The following DOK5 variants were observed in gnomAD, a reference collection of about 807,000 sequenced individuals.
DOK5 encodes downstream of tyrosine kinase 5.
In DOK5, 27 loss-of-function variants were observed where a neutral mutation model predicts 43.3. The ratio of observed to expected loss-of-function variants is 0.62; its 90% CI spans 0.46 to 0.86. DOK5 has a LOEUF of 0.86. Among genes scored for constraint, DOK5 ranks in the 40% least tolerant of loss-of-function variants. DOK5 has a pLI of 0.00. For missense variants in DOK5, 373 were observed against 392.9 expected, an observed-to-expected ratio of 0.95 and a Z score of 0.43; for synonymous variants, 146 against 140.1, an observed-to-expected ratio of 1.04 and a Z score of -0.30.
chr20:54,610,463 T>C lies in DOK5; in HGVS notation c.675T>C (p.Ser225=). 1 of 1,592,380 alleles carries C rather than the reference T, an allele frequency of 6.3e-7. No individual in the cohort carries two copies. The highest frequency in any genetic ancestry group is 8.6e-7 in the Non-Finnish European group (1 of 1,169,520). Residue 225 remains serine, a synonymous_variant, in exon 6 of 8, where the codon TCT becomes TCC. Transcript: ENST00000262593. The part of the protein sequence containing the change: ...DGEAIYQKVH[S]AALAIAEQHE... ...AGGCCATCTATCAGAAAGTCCACTC[T>C]GCTGCCTTGGCCATAGCCGAGCAGC...
At chr20:54,560,005 C>T (rs1984845755) in intron 2 of DOK5, among the ~76,000 whole-genome samples, 1 of 152,182 alleles carries the variant, frequency 6.6e-6, no homozygotes, top group African/African-American at 2.4e-5. Flanking sequence ...TCATTTGTAT[C>T]TCCTAAGCTC....
intron 6 of DOK5, among the ~76,000 whole-genome samples, chr20:54,635,156 C>G (rs1157514017): frequency 2.6e-5 from 4 of 152,102 alleles, no homozygotes; most frequent in Non-Finnish European, 5.9e-5. Flanking sequence ...TCAAGACTGA[C>G]AAAACAGACT....
At chr20:54,529,539 CT>C (rs1335634332) in intron 1 of DOK5, among the ~76,000 whole-genome samples, 3 of 136,976 alleles carry the variant, frequency 2.2e-5, no homozygotes, top group East Asian at 2.0e-4. Context: ...ATAAGGGTGA[CT>C]TTAAAAAAAA....
At chr20:54,593,273 A>AG (rs1986037719) in intron 5 of DOK5, among the ~76,000 whole-genome samples, 4 of 151,522 alleles carry the variant, frequency 2.6e-5, no homozygotes. Flanking sequence ...AAAAAAAAAA[A>AG]TTACATTTTA....
In DOK5 at chr20:54,637,889, A is replaced by G. The variant is rs139174285; in HGVS notation, c.736-5569A>G. Among the ~76,000 whole-genome samples, 203 of 152,272 alleles carry G rather than the reference A, an allele frequency of 1.3e-3. No individual in the cohort carries two copies. The East Asian group carries it at 0.018, about 14-fold the overall frequency. On this transcript the variant is annotated intron_variant, in intron 6 of 7. Transcript: ENST00000262593. The stretch of plus-strand genomic sequence containing the variant: ...TGTAATCCCAGCACTTTGGGAGGCC[A>G]AGGCGGGCAGATCACAAGGTCAGGA...
chr20:54,482,457 C>T (rs527999015), intron 1 of DOK5, among the ~76,000 whole-genome samples: 1 of 152,172 alleles, frequency 6.6e-6, no homozygotes, highest in Non-Finnish European at 1.5e-5. Context: ...AAGTCATAAT[C>T]GTAGTATGAA....
At chr20:54,615,381 G>A (rs1452171154) in intron 6 of DOK5, among the ~76,000 whole-genome samples, 17 of 152,164 alleles carry the variant, frequency 1.1e-4, no homozygotes, top group South Asian at 2.1e-4. Flanking sequence ...ATCGAGTTAA[G>A]GATCCTGAGA....
intron 6 of DOK5, among the ~76,000 whole-genome samples, chr20:54,624,708 G>A (rs1375011390): frequency 1.3e-5 from 2 of 152,186 alleles, no homozygotes; most frequent in African/African-American, 4.8e-5. Context: ...GGCAAAGGGA[G>A]CAGTGAATTT....
At chr20:54,500,197 G>A (rs764359138) in intron 1 of DOK5, among the ~76,000 whole-genome samples, 1 of 152,140 alleles carries the variant, frequency 6.6e-6, no homozygotes, top group African/African-American at 2.4e-5. Flanking sequence ...TGCAGCAGGG[G>A]TTTGAGCACT....
At chr20:54,588,456 G>A in intron 2 of DOK5, 27 bp from the exon 3 acceptor site, 2 of 1,597,882 alleles carry the variant, frequency 1.3e-6, no homozygotes, top group South Asian at 2.2e-5. Context: ...CAGGGAGTGT[G>A]TCAAACTTCT....
intron 1 of DOK5, among the ~76,000 whole-genome samples, chr20:54,496,898 G>C (rs902341812): frequency 7.2e-5 from 11 of 152,052 alleles, no homozygotes; most frequent in African/African-American, 2.7e-4. Context: ...GAGATTTCAT[G>C]ATTTCTCTAA....
At chr20:54,631,036 A>G (rs186379780) in intron 6 of DOK5, among the ~76,000 whole-genome samples, 353 of 152,330 alleles carry the variant, frequency 2.3e-3, no homozygotes, top group Middle Eastern at 0.02. Context: ...CAAACAAAGT[A>G]TGATAGAGCC....
rs386394048 is a variant in DOK5 at position 54,646,248 on chromosome 20, G to GTTTTTTTTTTTTTTTTTTTTT, written c.856+2674_856+2694dup. Among the ~76,000 whole-genome samples, 65 of 79,928 alleles carry GTTTTTTTTTTTTTTTTTTTTT rather than the reference G, an allele frequency of 8.1e-4. 9 individuals are homozygous for GTTTTTTTTTTTTTTTTTTTTT. The highest frequency in any genetic ancestry group is 2.1e-3 in the African/African-American group (40 of 18,992). The allele number at this position is 79,928 out of a possible 152,430, so 52.4% of individuals were successfully genotyped here. The stretch of plus-strand genomic sequence containing the variant: ...TACTGTTATATCCACTGGTTATACT[G>GTTTTTTTTTTTTTTTTTTTTT]TTTTTTTTTTTTTTTTTTTTTTTTG... On this transcript the variant is annotated intron_variant, in intron 7 of 7. Coordinates refer to ENST00000262593, the MANE Select transcript of DOK5 (RefSeq NM_018431.5).
intron 1 of DOK5, among the ~76,000 whole-genome samples, chr20:54,541,969 T>G (rs1295560364): frequency 1.3e-5 from 2 of 152,000 alleles, no homozygotes; most frequent in East Asian, 3.9e-4. Flanking sequence ...GATGATACCT[T>G]CTTCATGAGA....
At chr20:54,483,558 C>T (rs1981811974) in intron 1 of DOK5, among the ~76,000 whole-genome samples, 1 of 152,010 alleles carries the variant, frequency 6.6e-6, no homozygotes. Flanking sequence ...GAAAAGATGC[C>T]TGAGGATATT....
intron 2 of DOK5, among the ~76,000 whole-genome samples, chr20:54,565,198 G>GT (rs1053245251): frequency 6.6e-6 from 1 of 152,090 alleles, no homozygotes; most frequent in African/African-American, 2.4e-5. Context: ...TATATTCTAT[G>GT]TTTTTTCCTA....
chr20:54,618,146 T>C (rs1986871343), intron 6 of DOK5, among the ~76,000 whole-genome samples: 1 of 152,126 alleles, frequency 6.6e-6, no homozygotes. Flanking sequence ...TGTCCTATGA[T>C]ATAGATGAGA....
rs6068902 is a variant in DOK5 at position 54,542,372 on chromosome 20, C to A, written c.67-12561C>A. Among the ~76,000 whole-genome samples, 1,326 of 152,256 alleles carry A rather than the reference C, an allele frequency of 8.7e-3. 11 individuals carry two copies. Among genetic ancestry groups the A allele is most frequent in the South Asian group, 0.024 (115 of 4,824 alleles). On this transcript the variant is annotated intron_variant, in intron 1 of 7. Coordinates refer to ENST00000262593, the MANE Select transcript of DOK5 (RefSeq NM_018431.5). ...TTCTGGCATTTCTTTAGTGTCTTTA[C>A]TTTTTTCTATAAAACTAGTTAGAAA...
At chr20:54,542,877 C>T (rs2146717201) in intron 1 of DOK5, among the ~76,000 whole-genome samples, 1 of 152,228 alleles carries the variant, frequency 6.6e-6, no homozygotes, top group East Asian at 1.9e-4. Flanking sequence ...GCCAAAATCA[C>T]CCCAGATGCT....
Sources: allele counts gnomAD v4.1 joint callset (sites outside exome capture counted in the v4.1 genomes callset), GRCh38; gene constraint gnomAD v4.1.1; transcripts MANE v1.5; gene names NCBI Gene and HGNC (gene_info 2026-07-23, HGNC 2026-07-21).